C1QTNF2: variants seen among roughly 807,000 people sequenced by gnomAD.
The protein encoded by C1QTNF2 is C1q and TNF related 2, also known as complement C1q tumor necrosis factor-related protein 2.
Under a neutral mutation model 17.4 loss-of-function variants are expected in C1QTNF2, and 15 were observed. The ratio of observed to expected loss-of-function variants is 0.86; its 90% CI spans 0.58 to 1.33. The LOEUF (loss-of-function observed/expected upper bound fraction) is 1.33. Ranked by LOEUF, C1QTNF2 falls within the 40% of genes most tolerant of loss-of-function variation. The probability of loss-of-function intolerance (pLI) is 0.00; values close to 1 mark genes in which losing one functional copy is unlikely to be tolerated. For missense variants in C1QTNF2, 381 were observed against 392.3 expected, an observed-to-expected ratio of 0.97 and a Z score of 0.24; for synonymous variants, 154 against 163.3, an observed-to-expected ratio of 0.94 and a Z score of 0.44.
chr5:160,362,164 C>T (rs552372014), intron 1 of C1QTNF2, among the ~76,000 whole-genome samples: 4 of 152,198 alleles, frequency 2.6e-5, no homozygotes, highest in South Asian at 2.1e-4. Flanking sequence ...CTATATAGAC[C>T]GATAAGACCC....
Position 160,355,031 on chromosome 5 carries a change from C to A in C1QTNF2, c.-9-11G>T. On this transcript the variant is annotated splice_polypyrimidine_tract_variant and intron_variant, in intron 1 of 2. Coordinates refer to ENST00000652664, the MANE Select transcript of C1QTNF2 (RefSeq NM_031908.6). ...GATCATGGTGGTTACCTGTGGGAGG[C>A]AAGAGAGCTGTGACAGGTGAGTGTG... is the stretch of plus-strand genomic sequence containing the variant. 6.5e-7 allele frequency: 1 copy of A among 1,530,764 alleles called. No individual in the cohort carries two copies. Among genetic ancestry groups the A allele is most frequent in the East Asian group, 2.3e-5 (1 of 43,346 alleles). 94.8% of individuals were successfully genotyped at this position (1,530,764 alleles called of 1,614,324 possible).
intron 1 of C1QTNF2, among the ~76,000 whole-genome samples, chr5:160,368,810 G>C (rs1030897482): frequency 6.6e-6 from 1 of 152,112 alleles, no homozygotes; most frequent in Non-Finnish European, 1.5e-5. Context: ...GGGAGGAATA[G>C]GGAGATTTGC....
At chr5:160,350,917 A>T (rs1181312731) in intron 2 of C1QTNF2, among the ~76,000 whole-genome samples, 1 of 152,002 alleles carries the variant, frequency 6.6e-6, no homozygotes, top group Non-Finnish European at 1.5e-5. Flanking sequence ...CGCCCGGCTA[A>T]TTTTTTGTAT....
intron 2 of C1QTNF2, among the ~76,000 whole-genome samples, chr5:160,353,505 C>T (rs1004433074): frequency 6.6e-6 from 1 of 152,110 alleles, no homozygotes; most frequent in African/African-American, 2.4e-5. Flanking sequence ...CTCACACACA[C>T]GCAGGGGTGG....
At chr5:160,354,673 G>A (rs537743972) in intron 2 of C1QTNF2, 95 bp downstream of exon 2, 8 of 1,223,412 alleles carry the variant, frequency 6.5e-6, no homozygotes, top group African/African-American at 1.6e-5. Flanking sequence ...ATAATGAAGA[G>A]GATTAATACT....
chr5:160,356,990 AC>A (rs1370504445), intron 1 of C1QTNF2, among the ~76,000 whole-genome samples: 1 of 152,122 alleles, frequency 6.6e-6, no homozygotes, highest in Non-Finnish European at 1.5e-5. Flanking sequence ...TGTGACAATC[AC>A]AGGGCCCAAA....
At chr5:160,356,668 C>T (rs976025807) in intron 1 of C1QTNF2, among the ~76,000 whole-genome samples, 9 of 152,236 alleles carry the variant, frequency 5.9e-5, no homozygotes, top group East Asian at 1.9e-4. Context: ...CCAATCAGAG[C>T]GTTTAAGTAT....
intron 1 of C1QTNF2, among the ~76,000 whole-genome samples, chr5:160,365,214 T>G (rs1764224780): frequency 6.6e-6 from 1 of 152,194 alleles, no homozygotes; most frequent in African/African-American, 2.4e-5. Flanking sequence ...GAAGGAAATT[T>G]TGGGATTAGG....
rs1367183343 is a variant in C1QTNF2, at chr5:160,354,866, C to T, written c.146G>A (p.Gly49Glu). Residue 49 changes from glycine to glutamate, a missense_variant, in exon 2 of 3, where the codon GGA (glycine) becomes GAA (glutamate). Transcript: ENST00000652664. Reference protein sequence around the residue: ...PGPQGPPGPPGAPGPSGMMGR... With the variant: ...PGPQGPPGPPEAPGPSGMMGR... ...CATCATTCCTGAGGGCCCTGGGGCT[C>T]CTGGGGGGCCGGGTGGGCCCTGGGG... 3 of 1,608,964 alleles carry T rather than the reference C, an allele frequency of 1.9e-6. No individual in the cohort carries two copies. Among genetic ancestry groups the T allele is most frequent in the Admixed American group, 1.7e-5 (1 of 59,280 alleles).
chr5:160,350,229 T>C (rs1251555498), intron 2 of C1QTNF2, among the ~76,000 whole-genome samples: 1 of 152,024 alleles, frequency 6.6e-6, no homozygotes, highest in Non-Finnish European at 1.5e-5. Flanking sequence ...TTGCTTATAA[T>C]AGCAAAAAAT....
intron 1 of C1QTNF2, among the ~76,000 whole-genome samples, chr5:160,360,545 G>C (rs1271198442): frequency 6.6e-6 from 1 of 152,172 alleles, no homozygotes; most frequent in Non-Finnish European, 1.5e-5. Context: ...GGTGGGGCCA[G>C]CCTTGCAGAA....
At chr5:160,360,321 G>GT (rs1250891516) in intron 1 of C1QTNF2, among the ~76,000 whole-genome samples, 1 of 152,206 alleles carries the variant, frequency 6.6e-6, no homozygotes, top group East Asian at 1.9e-4. Flanking sequence ...TGCTTAATTA[G>GT]TAAGTGTTGG....
rs756184854 is a variant in C1QTNF2, at chr5:160,370,547, A to G, written c.-45T>C. 8 of 1,486,136 alleles carry G rather than the reference A, an allele frequency of 5.4e-6. No homozygotes were observed. In the South Asian group the frequency reaches 8.0e-5, roughly 15 times the overall value. The allele number at this position is 1,486,136 out of a possible 1,614,324, so 92.1% of individuals were successfully genotyped here. On this transcript the variant is annotated 5_prime_UTR_variant, in exon 1 of 3. Transcript: ENST00000652664. ...GCCCGCCACGTCCAGGGGCGTCCGGAGCAAAGAAGCTCTCGGCGGGGCTCC... is the reference window on the plus strand; with the variant it reads ...GCCCGCCACGTCCAGGGGCGTCCGGGGCAAAGAAGCTCTCGGCGGGGCTCC...
chr5:160,368,876 G>A (rs1764295430), intron 1 of C1QTNF2, among the ~76,000 whole-genome samples: 1 of 152,136 alleles, frequency 6.6e-6, no homozygotes, highest in African/African-American at 2.4e-5. Flanking sequence ...GAGACAGAGT[G>A]GCTTCAAACG....
chr5:160,355,964 T>C (rs4406173), intron 1 of C1QTNF2, among the ~76,000 whole-genome samples: 109,130 of 152,146 alleles, frequency 0.72, 39,293 homozygotes, highest in Middle Eastern at 0.86. Flanking sequence ...TGAACCAGGC[T>C]GTCCAGATCC....
chr5:160,349,946 C>T lies in C1QTNF2; in HGVS notation c.245-165G>A, dbSNP rs1763885201. Among the ~76,000 whole-genome samples the T allele has an allele frequency of 6.6e-6, 1 of 152,208 alleles. No individual in the cohort carries two copies. Among genetic ancestry groups the T allele is most frequent in the Non-Finnish European group, 1.5e-5 (1 of 68,036 alleles). Reference sequence around the variant, plus strand: ...GTGGGTGTAAATCCTAATGCTAGCTCTCTGGAAAATGGAAATGATGATACT... The same window carrying T: ...GTGGGTGTAAATCCTAATGCTAGCTTTCTGGAAAATGGAAATGATGATACT... On this transcript the variant is annotated intron_variant, in intron 2 of 2. Transcript: ENST00000652664. This position sits in a 1 kb window ranked among gnomAD's most constrained non-coding sequence, Gnocchi z 4.3.
At chr5:160,355,483 A>G (rs531367536) in intron 1 of C1QTNF2, among the ~76,000 whole-genome samples, 14 of 152,310 alleles carry the variant, frequency 9.2e-5, no homozygotes, top group African/African-American at 2.4e-4. Context: ...AGGGTTGCAC[A>G]TGAGGAGGGC....
intron 1 of C1QTNF2, among the ~76,000 whole-genome samples, chr5:160,360,253 C>T (rs1241678871): frequency 1.3e-5 from 2 of 152,164 alleles, no homozygotes; most frequent in African/African-American, 4.8e-5. Flanking sequence ...AGTACAGGAC[C>T]CCAGCTGGCC....
chr5:160,368,531 C>CAA lies in C1QTNF2; in HGVS notation c.-10+1979_-10+1980dup, dbSNP rs1491589028. On this transcript the variant is annotated intron_variant, in intron 1 of 2. Transcript: ENST00000652664. ...TGGGCAACAGAGCGAGACTCCTTCT[C>CAA]AAAAAAAAAGAAAAAAGAAAAAAAA... is the stretch of plus-strand genomic sequence containing the variant. 4.3e-3 allele frequency among the ~76,000 whole-genome samples: 251 copies of CAA among 58,086 alleles called. 2 individuals carry two copies. The highest frequency in any genetic ancestry group is 0.013 in the African/African-American group (225 of 17,956). 38.1% of individuals were successfully genotyped at this position (58,086 alleles called of 152,430 possible). A position where few individuals can be genotyped will look rare whatever the true frequency, so the allele number is the denominator to read the frequency against.
Sources: allele counts gnomAD v4.1 joint callset (sites outside exome capture counted in the v4.1 genomes callset), GRCh38; gene constraint gnomAD v4.1.1; non-coding constraint Gnocchi (gnomAD v3.1); transcripts MANE v1.5; gene names NCBI Gene and HGNC (gene_info 2026-07-23, HGNC 2026-07-21).